Variants in ADK observed in about 807,000 individuals in gnomAD.
The protein encoded by ADK is adenosine kinase.
Under a neutral mutation model 44.7 loss-of-function variants are expected in ADK, and 24 were observed. That is an observed-to-expected ratio of 0.54 (90% CI 0.39 to 0.76). The LOEUF (loss-of-function observed/expected upper bound fraction) is 0.76. Among genes scored for constraint, ADK ranks in the 30% least tolerant of loss-of-function variants. The pLI is 0.00. For synonymous variants in ADK, 128 were observed against 142.6 expected, an observed-to-expected ratio of 0.90 and a Z score of 0.73; for missense variants, 321 against 425.1, an observed-to-expected ratio of 0.76 and a Z score of 2.15.
chr10:74,675,115 C>T (rs1297349661), intron 10 of ADK, among the ~76,000 whole-genome samples: 1 of 152,008 alleles, frequency 6.6e-6, no homozygotes, highest in Non-Finnish European at 1.5e-5. Flanking sequence ...TCTTTTGTGA[C>T]TTTGCATATC....
chr10:74,480,997 CT>C (rs1406264797), intron 6 of ADK, among the ~76,000 whole-genome samples: 19 of 150,714 alleles, frequency 1.3e-4, no homozygotes, highest in South Asian at 1.1e-3. Context: ...TGTCTTTCTT[CT>C]CTCATTTTCA....
chr10:74,594,845 G>C (rs1851845314), intron 8 of ADK, among the ~76,000 whole-genome samples: 1 of 152,092 alleles, frequency 6.6e-6, no homozygotes, highest in Non-Finnish European at 1.5e-5. Context: ...GATAGGTAGG[G>C]CATGTATTGC....
At chr10:74,221,507 T>A (rs1844307481) in intron 2 of ADK, among the ~76,000 whole-genome samples, 1 of 152,042 alleles carries the variant, frequency 6.6e-6, no homozygotes, top group African/African-American at 2.4e-5. Flanking sequence ...CTTCACAGAA[T>A]TGGAAAAAAC....
chr10:74,531,693 C>G (rs1395679244), intron 7 of ADK, among the ~76,000 whole-genome samples: 2 of 152,102 alleles, frequency 1.3e-5, no homozygotes, highest in Non-Finnish European at 2.9e-5. Flanking sequence ...ACCACCACAG[C>G]TGGCTAATTT....
chr10:74,559,198 C>T (rs915810936), intron 7 of ADK, among the ~76,000 whole-genome samples: 4 of 152,264 alleles, frequency 2.6e-5, no homozygotes, highest in Non-Finnish European at 5.9e-5. Flanking sequence ...TGTTCATCCA[C>T]TGACCTCCAT....
chr10:74,270,820 G>T (rs1846402652), intron 3 of ADK, among the ~76,000 whole-genome samples: 1 of 152,176 alleles, frequency 6.6e-6, no homozygotes, highest in African/African-American at 2.4e-5. Flanking sequence ...ACTTTTCATA[G>T]CCAGATAGTT....
intron 4 of ADK, among the ~76,000 whole-genome samples, chr10:74,315,152 A>G (rs1230127090): frequency 6.6e-6 from 1 of 152,082 alleles, no homozygotes; most frequent in African/African-American, 2.4e-5. Flanking sequence ...TGTAACTTTC[A>G]AAGTTTTTAA....
At chr10:74,434,722 A>G (rs1416661683) in intron 6 of ADK, among the ~76,000 whole-genome samples, 3 of 152,204 alleles carry the variant, frequency 2.0e-5, no homozygotes, top group Non-Finnish European at 4.4e-5. Context: ...TAAGATAAAC[A>G]ACTATGTTTT....
At chr10:74,689,189 C>G (rs1196054892) in intron 10 of ADK, among the ~76,000 whole-genome samples, 1 of 151,796 alleles carries the variant, frequency 6.6e-6, no homozygotes, top group Non-Finnish European at 1.5e-5. Flanking sequence ...GTGGAGCTTG[C>G]AGTGAGCCAA....
At chr10:74,197,710 A>T (rs9732237) in intron 1 of ADK, among the ~76,000 whole-genome samples, 2 of 80,644 alleles carry the variant, frequency 2.5e-5, no homozygotes, top group Non-Finnish European at 6.6e-5. Context: ...AAAAAAAAAA[A>T]GAAAAAAAAA....
intron 10 of ADK, among the ~76,000 whole-genome samples, chr10:74,689,816 A>AC (rs1855922920): frequency 6.6e-6 from 1 of 152,170 alleles, no homozygotes; most frequent in African/African-American, 2.4e-5. Flanking sequence ...TTTTGTCAGC[A>AC]CCCACATCAA....
At chr10:74,459,474 TA>T (rs1350385283) in intron 6 of ADK, among the ~76,000 whole-genome samples, 6 of 151,838 alleles carry the variant, frequency 4.0e-5, no homozygotes, top group Non-Finnish European at 8.8e-5. Context: ...CTCATGTCTG[TA>T]ATCCCAGCAC....
At chr10:74,477,076 A>G (rs1052933240) in intron 6 of ADK, among the ~76,000 whole-genome samples, 1 of 152,054 alleles carries the variant, frequency 6.6e-6, no homozygotes, top group Non-Finnish European at 1.5e-5. Context: ...ATTTGTTTCT[A>G]TCTTTTGCCA....
chr10:74,459,416 GT>G (rs954953033), intron 6 of ADK, among the ~76,000 whole-genome samples: 4 of 151,980 alleles, frequency 2.6e-5, no homozygotes, highest in African/African-American at 7.3e-5. Flanking sequence ...GCAGGACACA[GT>G]TTGGTAAATA....
At chr10:74,357,405 G>T (rs1842181033) in intron 4 of ADK, among the ~76,000 whole-genome samples, 2 of 151,650 alleles carry the variant, frequency 1.3e-5, no homozygotes. Flanking sequence ...CAAACTCCAT[G>T]GGCTCAGGTG....
chr10:74,673,202 G>A (rs911308586), intron 10 of ADK, among the ~76,000 whole-genome samples: 3 of 152,238 alleles, frequency 2.0e-5, no homozygotes, highest in African/African-American at 7.2e-5. Context: ...AAGAACTGTA[G>A]TCCCTGGTGA....
intron 7 of ADK, among the ~76,000 whole-genome samples, chr10:74,537,934 T>A (rs1347408950): frequency 6.6e-6 from 1 of 152,138 alleles, no homozygotes; most frequent in Non-Finnish European, 1.5e-5. Flanking sequence ...TATCTAGTAT[T>A]TTGAATTTCA....
At chr10:74,319,818 A>C (rs546332415) in intron 4 of ADK, among the ~76,000 whole-genome samples, 2 of 152,330 alleles carry the variant, frequency 1.3e-5, no homozygotes, top group Non-Finnish European at 2.9e-5. Context: ...CCTAATTTGA[A>C]TAATACCAAT....
chr10:74,692,433 C>T (rs1360774029), intron 10 of ADK, among the ~76,000 whole-genome samples: 5 of 152,058 alleles, frequency 3.3e-5, no homozygotes, highest in African/African-American at 9.7e-5. Flanking sequence ...GAGCTGAGAT[C>T]GTGCCATTGC....
Sources: gnomAD v4.1 joint callset for allele counts (sites outside exome capture counted in the v4.1 genomes callset) on GRCh38, gnomAD v4.1.1 for gene constraint, MANE v1.5 for transcripts, NCBI Gene and HGNC (gene_info 2026-07-23, HGNC 2026-07-21) for gene names.